WAC: variants seen among roughly 807,000 people sequenced by gnomAD.
WAC encodes WW domain containing adaptor with coiled-coil.
A neutral mutation model predicts 79.6 loss-of-function variants in WAC; 11 were observed. That is an observed-to-expected ratio of 0.14 (90% CI 0.09 to 0.23). The LOEUF (loss-of-function observed/expected upper bound fraction) is 0.23. Ranked by LOEUF, WAC falls within the 10% of genes least tolerant of loss-of-function variation. The probability of loss-of-function intolerance (pLI) is 1.00; values close to 1 mark genes in which losing one functional copy is unlikely to be tolerated. For synonymous variants in WAC, 304 were observed against 276.9 expected, an observed-to-expected ratio of 1.10 and a Z score of -0.97; for missense variants, 728 against 773.5, an observed-to-expected ratio of 0.94 and a Z score of 0.70.
In WAC at chr10:28,620,144, A is replaced by G. The variant is rs1841638103; in HGVS notation, c.*538A>G. 1.3e-5 allele frequency: 2 copies of G among 152,676 alleles called. No homozygotes were observed. Among genetic ancestry groups the G allele is most frequent in the Admixed American group, 1.3e-4 (2 of 15,288 alleles). The allele number at this position is 152,676 out of a possible 1,614,324, so 9.5% of individuals were successfully genotyped here. On this transcript the variant is annotated 3_prime_UTR_variant, in exon 14 of 14. Transcript: ENST00000354911. The stretch of plus-strand genomic sequence containing the variant: ...ACCTGATCAAGAGCAGTGCTTCTCC[A>G]TTTGTTTTGCAGAGAAATGTTTTTC...
intron 1 of WAC, 99 bp downstream of exon 1, chr10:28,533,719 G>T (rs930816682): frequency 2.6e-5 from 34 of 1,331,416 alleles, no homozygotes; most frequent in Non-Finnish European, 3.2e-5. Flanking sequence ...CATTTTTGTT[G>T]TTAACCCTGA....
rs1696439690 is a variant in WAC at position 28,540,802 on chromosome 10, A to G, written c.274+5045A>G. On this transcript the variant is annotated intron_variant, in intron 3 of 13. Coordinates refer to ENST00000354911, the MANE Select transcript of WAC (RefSeq NM_016628.5). ...TTCCATTGGTCAATTTAGAAAACAC[A>G]GGAAACATACTCTGTTTCAAGAGAA... 2.0e-5 allele frequency among the ~76,000 whole-genome samples: 3 copies of G among 152,190 alleles called. No individual in the cohort carries two copies. The South Asian group carries it at 6.2e-4, about 31-fold the overall frequency.
chr10:28,603,254 T>C (rs867133150), intron 7 of WAC, among the ~76,000 whole-genome samples: 2 of 152,200 alleles, frequency 1.3e-5, no homozygotes, highest in Non-Finnish European at 2.9e-5. Flanking sequence ...AAATTGCATG[T>C]TTTAAGAAAA....
chr10:28,547,710 G>A (rs1837430257), intron 3 of WAC, among the ~76,000 whole-genome samples: 2 of 151,374 alleles, frequency 1.3e-5, no homozygotes, highest in African/African-American at 4.9e-5. Flanking sequence ...AATCAAACCT[G>A]GTTCTTTTTC....
chr10:28,596,075 CTATAG>C, intron 7 of WAC, 34 bp downstream of exon 7: 1 of 1,566,912 alleles, frequency 6.4e-7, no homozygotes, highest in Non-Finnish European at 8.6e-7. Flanking sequence ...GCACGTTGAA[CTATAG>C]TTTCTAAGTT....
chr10:28,536,365 CT>C (rs1554776605), intron 3 of WAC, among the ~76,000 whole-genome samples: 1 of 151,904 alleles, frequency 6.6e-6, no homozygotes, highest in Non-Finnish European at 1.5e-5. Context: ...AAGAAAGGAA[CT>C]TTGACCTTTT....
intron 3 of WAC, among the ~76,000 whole-genome samples, chr10:28,546,370 T>C (rs568198018): frequency 6.6e-6 from 1 of 152,336 alleles, no homozygotes; most frequent in South Asian, 2.1e-4. Flanking sequence ...AAAAGATTCA[T>C]TGTAATGGAA....
At chr10:28,599,828 A>G (rs1840554114) in intron 7 of WAC, among the ~76,000 whole-genome samples, 1 of 152,156 alleles carries the variant, frequency 6.6e-6, no homozygotes, top group Admixed American at 6.5e-5. Flanking sequence ...GACCCCATTT[A>G]GGTCTATAGT....
At chr10:28,535,338 T>C in intron 2 of WAC, 1 of 354,448 alleles carries the variant, frequency 2.8e-6, no homozygotes, top group Non-Finnish European at 4.9e-6. Context: ...GGAGTGGGTT[T>C]TTTTTGTGTT....
At chr10:28,533,894 G>T in intron 1 of WAC, 104 bp from the exon 2 acceptor site, 1 of 1,417,668 alleles carries the variant, frequency 7.1e-7, no homozygotes, top group South Asian at 1.2e-5. Context: ...GGGGCGCTCG[G>T]TAGGTCTCCC....
intron 3 of WAC, among the ~76,000 whole-genome samples, chr10:28,570,633 A>G (rs75062557): frequency 0.015 from 2,268 of 152,282 alleles, 60 homozygotes; most frequent in African/African-American, 0.05. Flanking sequence ...TAATTATGAA[A>G]TTATTCCAGT....
At chr10:28,598,463 T>A (rs1840485875) in intron 7 of WAC, among the ~76,000 whole-genome samples, 1 of 152,234 alleles carries the variant, frequency 6.6e-6, no homozygotes, top group Non-Finnish European at 1.5e-5. Flanking sequence ...GTTTTTTCAC[T>A]TAGATTATAT....
Position 28,620,621 on chromosome 10 carries a change from G to C in WAC, c.*1015G>C, listed in dbSNP as rs1247385160. 1 of 152,350 alleles carries C rather than the reference G, an allele frequency of 6.6e-6. No individual in the cohort carries two copies. Among genetic ancestry groups the C allele is most frequent in the Non-Finnish European group, 1.5e-5 (1 of 68,024 alleles). The allele number at this position is 152,350 out of a possible 1,614,324, so 9.4% of individuals were successfully genotyped here. A position where few individuals can be genotyped will look rare whatever the true frequency, so the allele number is the denominator to read the frequency against. ...GGGATTCTTTATCAGAACTGTTCTT[G>C]TTGAATATTTATACTTAATTGAAAT... On this transcript the variant is annotated 3_prime_UTR_variant, in exon 14 of 14. Coordinates refer to ENST00000354911, the MANE Select transcript of WAC (RefSeq NM_016628.5).
chr10:28,614,546 C>T (rs1841394590), intron 10 of WAC, 21 bp from the exon 11 acceptor site: 2 of 1,590,156 alleles, frequency 1.3e-6, no homozygotes, highest in South Asian at 1.1e-5. Context: ...GAGACCATCT[C>T]ACCAGATTTT....
intron 3 of WAC, among the ~76,000 whole-genome samples, chr10:28,575,306 G>A (rs1022225279): frequency 6.6e-6 from 1 of 151,882 alleles, no homozygotes; most frequent in Non-Finnish European, 1.5e-5. Context: ...CCATCTTTAC[G>A]TCCCCGAGTA....
intron 3 of WAC, among the ~76,000 whole-genome samples, chr10:28,559,135 G>GGTGTGTGTGTGTGTGTGTGTGTGTGT (rs750941388): frequency 6.2e-5 from 4 of 64,728 alleles, no homozygotes; most frequent in African/African-American, 1.5e-4. Context: ...CGAGAAACCT[G>GGTGTGTGTGTGTGTGTGTGTGTGTGT]ATGTGTGTGT....
chr10:28,543,161 C>T lies in WAC; in HGVS notation c.274+7404C>T, dbSNP rs553178549. 3.5e-4 allele frequency among the ~76,000 whole-genome samples: 53 copies of T among 152,332 alleles called. No homozygotes were observed. In the East Asian group the frequency reaches 6.7e-3, roughly 19 times the overall value. ...TAATTCTGGGGTGGGTCCCAAAGAT[C>T]TGCCTTTTAACAAGATCTCGGGTGA... On this transcript the variant is annotated intron_variant, in intron 3 of 13. Transcript: ENST00000354911.
chr10:28,620,203 C>T lies in WAC; in HGVS notation c.*597C>T, dbSNP rs1841639936. ...TGTGTTTCCATTTCCTTCTGAAATTCTGATTTTATCCATTTTTTTAAGGCT... is the reference window on the plus strand; with the variant it reads ...TGTGTTTCCATTTCCTTCTGAAATTTTGATTTTATCCATTTTTTTAAGGCT... On this transcript the variant is annotated 3_prime_UTR_variant, in exon 14 of 14. Coordinates refer to ENST00000354911, the MANE Select transcript of WAC (RefSeq NM_016628.5). 1 of 152,618 alleles carries T rather than the reference C, an allele frequency of 6.6e-6. No individual in the cohort carries two copies. Among genetic ancestry groups the T allele is most frequent in the South Asian group, 2.1e-4 (1 of 4,828 alleles). 9.5% of individuals were successfully genotyped at this position (152,618 alleles called of 1,614,324 possible).
chr10:28,616,133 C>A, intron 11 of WAC, 40 bp from the exon 12 acceptor site: 2 of 1,456,944 alleles, frequency 1.4e-6, no homozygotes, highest in South Asian at 1.5e-5. Flanking sequence ...TACCCAGAAA[C>A]TACTTTTAAA....
Sources: allele counts gnomAD v4.1 joint callset (sites outside exome capture counted in the v4.1 genomes callset), GRCh38; gene constraint gnomAD v4.1.1; transcripts MANE v1.5; gene names NCBI Gene and HGNC (gene_info 2026-07-23, HGNC 2026-07-21).